Variants in SORCS2 observed in about 807,000 individuals in gnomAD.
SORCS2 encodes sortilin related VPS10 domain containing receptor 2, also known as VPS10 domain-containing receptor SorCS2.
SORCS2 carries 100 observed loss-of-function variants against 141.6 expected under a neutral mutation model. That is an observed-to-expected ratio of 0.71 (90% CI 0.60 to 0.83). SORCS2 has a LOEUF of 0.83. Ranked by LOEUF, SORCS2 falls within the 40% of genes least tolerant of loss-of-function variation. SORCS2 has a pLI of 0.00. For synonymous variants in SORCS2, 789 were observed against 676.9 expected, an observed-to-expected ratio of 1.17 and a Z score of -2.57; for missense variants, 1,646 against 1,560.2, an observed-to-expected ratio of 1.05 and a Z score of -0.93.
intron 7 of SORCS2, among the ~76,000 whole-genome samples, chr4:7,666,367 A>G (rs1183349193): frequency 6.6e-6 from 1 of 152,156 alleles, no homozygotes; most frequent in African/African-American, 2.4e-5. Context: ...GACTCCATCC[A>G]GTTTCTATCC....
chr4:7,601,735 T>A (rs1717696207), intron 3 of SORCS2, among the ~76,000 whole-genome samples: 2 of 150,654 alleles, frequency 1.3e-5, no homozygotes, highest in Non-Finnish European at 2.9e-5. Flanking sequence ...TTTGGCAGGG[T>A]CATAGGACAA....
chr4:7,312,211 C>T (rs944367971), intron 1 of SORCS2, among the ~76,000 whole-genome samples: 7 of 152,156 alleles, frequency 4.6e-5, no homozygotes, highest in African/African-American at 9.7e-5. Context: ...TGCTGAAGAG[C>T]GTAAGTACTT....
At chr4:7,279,589 G>A (rs1473185301) in intron 1 of SORCS2, among the ~76,000 whole-genome samples, 4 of 152,228 alleles carry the variant, frequency 2.6e-5, no homozygotes, top group African/African-American at 9.6e-5. Context: ...AAGACAGCCA[G>A]TTCAAGGGCG....
At chr4:7,314,410 A>G (rs1383871363) in intron 1 of SORCS2, among the ~76,000 whole-genome samples, 2 of 146,616 alleles carry the variant, frequency 1.4e-5, no homozygotes, top group Non-Finnish European at 3.0e-5. Flanking sequence ...CGTGATCTTG[A>G]CTCCCTGCAA....
intron 5 of SORCS2, 70 bp downstream of exon 5, chr4:7,654,277 T>A: frequency 6.7e-7 from 1 of 1,487,276 alleles, no homozygotes; most frequent in Non-Finnish European, 9.2e-7. Context: ...CCCAAACCCT[T>A]GGGAGCCCAT....
At chr4:7,489,900 G>A (rs961753068) in intron 2 of SORCS2, among the ~76,000 whole-genome samples, 1 of 152,192 alleles carries the variant, frequency 6.6e-6, no homozygotes, top group Non-Finnish European at 1.5e-5. Context: ...ACAAGGAGGG[G>A]CATTCCAGCA....
At chr4:7,211,839 G>A (rs1164660800) in intron 1 of SORCS2, among the ~76,000 whole-genome samples, 5 of 152,150 alleles carry the variant, frequency 3.3e-5, no homozygotes, top group African/African-American at 9.7e-5. Flanking sequence ...GGGTGGGAGC[G>A]GGCCTCACTC....
At chr4:7,258,349 A>G (rs1050063301) in intron 1 of SORCS2, among the ~76,000 whole-genome samples, 18 of 152,008 alleles carry the variant, frequency 1.2e-4, no homozygotes, top group Middle Eastern at 3.4e-3. Flanking sequence ...CTCTCTGTCC[A>G]TGTGTTCTCA....
chr4:7,193,174 G>A lies in SORCS2; in HGVS notation c.480+48G>A, dbSNP rs552731264. 1.2e-4 allele frequency: 166 copies of A among 1,437,922 alleles called. 1 individual carries two copies. In the African/African-American group the frequency reaches 1.9e-3, roughly 17 times the overall value. The allele number at this position is 1,437,922 out of a possible 1,614,324, so 89.1% of individuals were successfully genotyped here. A position where few individuals can be genotyped will look rare whatever the true frequency, so the allele number is the denominator to read the frequency against. On this transcript the variant is annotated intron_variant, in intron 1 of 26. Transcript: ENST00000507866. The surrounding 1 kb of genome is among the most constrained non-coding windows in gnomAD (Gnocchi z 4.8). ...CCGCGGCCCCTACCCGGGACACCGC[G>A]GGACACCCGGGCGGGACCGCCACGG...
intron 2 of SORCS2, among the ~76,000 whole-genome samples, chr4:7,420,206 G>A (rs1725950817): frequency 6.6e-6 from 1 of 152,226 alleles, no homozygotes; most frequent in African/African-American, 2.4e-5. Flanking sequence ...ACACCCAGCT[G>A]GCCCCAGTAG....
chr4:7,490,708 G>T (rs969236206), intron 2 of SORCS2, among the ~76,000 whole-genome samples: 2 of 152,188 alleles, frequency 1.3e-5, no homozygotes, highest in African/African-American at 2.4e-5. Context: ...ATGGGGGCAG[G>T]TTGTTTGCAG....
At chr4:7,511,385 G>A (rs56201520) in intron 2 of SORCS2, among the ~76,000 whole-genome samples, 72,049 of 137,272 alleles carry the variant, frequency 0.52, 21,099 homozygotes, top group East Asian at 0.8. Flanking sequence ...CACACAAAAA[G>A]CCAGAGATCC....
chr4:7,422,372 C>G (rs1408358884), intron 2 of SORCS2, among the ~76,000 whole-genome samples: 1 of 152,188 alleles, frequency 6.6e-6, no homozygotes, highest in Non-Finnish European at 1.5e-5. Context: ...GCCCTGCCCG[C>G]TTCTACAGCC....
chr4:7,647,155 G>C (rs1403800888), intron 4 of SORCS2, among the ~76,000 whole-genome samples: 1 of 152,182 alleles, frequency 6.6e-6, no homozygotes, highest in Non-Finnish European at 1.5e-5. Context: ...GGAGGTGAGA[G>C]AGCAAAATGA....
intron 1 of SORCS2, among the ~76,000 whole-genome samples, chr4:7,200,864 A>G (rs1367369215): frequency 6.6e-6 from 1 of 152,176 alleles, no homozygotes; most frequent in Non-Finnish European, 1.5e-5. Context: ...GTCCTCCTTC[A>G]TCTTATTTCC....
chr4:7,524,794 C>T (rs1560355260), intron 2 of SORCS2, among the ~76,000 whole-genome samples: 3 of 152,004 alleles, frequency 2.0e-5, no homozygotes, highest in Admixed American at 6.5e-5. Flanking sequence ...CCCACCCCGC[C>T]GCCACTGCTT....
intron 8 of SORCS2, among the ~76,000 whole-genome samples, chr4:7,674,848 G>A (rs1169389215): frequency 6.6e-6 from 1 of 150,704 alleles, no homozygotes; most frequent in Non-Finnish European, 1.5e-5. Context: ...CCTATCAGAT[G>A]AGAACATGCG....
In SORCS2 at chr4:7,441,343, G is replaced by A. The variant is rs370027993; in HGVS notation, c.548+44988G>A. On this transcript the variant is annotated intron_variant, in intron 2 of 26. Coordinates refer to ENST00000507866, the MANE Select transcript of SORCS2 (RefSeq NM_020777.3). ...GCTTCCAGGTGAGCAGCAGTTGTGG[G>A]AAAGGCACTGCATACAGAGGCCTGC... Among the ~76,000 whole-genome samples the A allele has an allele frequency of 8.9e-4, 136 of 152,286 alleles. 1 individual carries two copies. Among genetic ancestry groups the A allele is most frequent in the African/African-American group, 3.2e-3 (131 of 41,542 alleles).
intron 14 of SORCS2, among the ~76,000 whole-genome samples, chr4:7,706,002 C>T (rs917724704): frequency 6.6e-6 from 1 of 152,138 alleles, no homozygotes; most frequent in Admixed American, 6.5e-5. Context: ...TGGCCTCTGC[C>T]TGGACAGGGA....
Sources: gnomAD v4.1 joint callset for allele counts (sites outside exome capture counted in the v4.1 genomes callset) on GRCh38, gnomAD v4.1.1 for gene constraint, Gnocchi (gnomAD v3.1) non-coding constraint, MANE v1.5 for transcripts, NCBI Gene and HGNC (gene_info 2026-07-23, HGNC 2026-07-21) for gene names.